Variants in CHSY3 observed in about 807,000 individuals in gnomAD.
CHSY3 encodes N-acetylgalactosaminyl-proteoglycan 3-beta-glucuronosyltransferase 3.
In CHSY3, 35 loss-of-function variants were observed where a neutral mutation model predicts 67.2. That is an observed-to-expected ratio of 0.52 (90% CI 0.40 to 0.69). The LOEUF is 0.69. CHSY3 is among the 30% of genes least tolerant of loss of function. The pLI, the probability that CHSY3 is intolerant of heterozygous loss-of-function variation, is 0.00. For missense variants in CHSY3, 1,069 were observed against 1,138.5 expected (o/e 0.94, Z 0.88); for synonymous variants, 474 against 434.7 (o/e 1.09, Z -1.12).
At chr5:130,108,733 CT>C (rs1221661505) in intron 2 of CHSY3, among the ~76,000 whole-genome samples, 1 of 151,624 alleles carries the variant, frequency 6.6e-6, no homozygotes, top group East Asian at 1.9e-4. Context: ...CACACTTAGG[CT>C]TTTCATTAGA....
At chr5:130,045,281 A>G (rs552484238) in intron 2 of CHSY3, among the ~76,000 whole-genome samples, 3 of 152,292 alleles carry the variant, frequency 2.0e-5, no homozygotes, top group East Asian at 3.9e-4. Flanking sequence ...CTCACTAGGG[A>G]GAGCTAGTAA....
chr5:129,904,693 A>T lies in CHSY3; in HGVS notation c.-137A>T. Reference sequence around the variant, plus strand: ...AGGCGTCCGCGGCGCTTCGACCTCCAGCCGGTGTCGGCGCCTAGGCGGCCG... The same window carrying T: ...AGGCGTCCGCGGCGCTTCGACCTCCTGCCGGTGTCGGCGCCTAGGCGGCCG... On this transcript the variant is annotated 5_prime_UTR_variant, in exon 1 of 3. Coordinates refer to ENST00000305031, the MANE Select transcript of CHSY3 (RefSeq NM_175856.5). 8.3e-7 allele frequency: 1 copy of T among 1,205,104 alleles called. No homozygotes were observed. The highest frequency in any genetic ancestry group is 1.0e-6 in the Non-Finnish European group (1 of 968,398). The allele number at this position is 1,205,104 out of a possible 1,614,324, so 74.7% of individuals were successfully genotyped here. A position where few individuals can be genotyped will look rare whatever the true frequency, so the allele number is the denominator to read the frequency against.
At chr5:130,059,389 C>T (rs1162184270) in intron 2 of CHSY3, among the ~76,000 whole-genome samples, 1 of 140,952 alleles carries the variant, frequency 7.1e-6, no homozygotes, top group East Asian at 2.0e-4. Flanking sequence ...CTCTCTCTAC[C>T]TCTCTCTCTC....
At chr5:130,147,929 G>A (rs565619622) in intron 2 of CHSY3, among the ~76,000 whole-genome samples, 225 of 152,270 alleles carry the variant, frequency 1.5e-3, no homozygotes, top group Middle Eastern at 6.8e-3. Flanking sequence ...ATGGGGGGTT[G>A]TTGTACAGAT....
intron 2 of CHSY3, among the ~76,000 whole-genome samples, chr5:130,113,352 G>A (rs986743500): frequency 1.4e-4 from 22 of 152,198 alleles, no homozygotes; most frequent in Admixed American, 9.2e-4. Context: ...AAATACAAGT[G>A]TATATCTCAA....
At chr5:129,973,056 C>T (rs1034600149) in intron 2 of CHSY3, among the ~76,000 whole-genome samples, 6 of 151,950 alleles carry the variant, frequency 3.9e-5, no homozygotes, top group African/African-American at 7.3e-5. Context: ...ACATGATGCT[C>T]CTGCTCCTCT....
chr5:130,047,837 T>C (rs955376305), intron 2 of CHSY3, among the ~76,000 whole-genome samples: 1 of 152,172 alleles, frequency 6.6e-6, no homozygotes, highest in East Asian at 1.9e-4. Context: ...TTTTAACGAA[T>C]TTTGTTAATT....
intron 2 of CHSY3, among the ~76,000 whole-genome samples, chr5:129,985,617 A>G (rs763482584): frequency 6.6e-6 from 1 of 152,150 alleles, no homozygotes; most frequent in Non-Finnish European, 1.5e-5. Context: ...TCCTTTGTGC[A>G]GTATGGCCAT....
intron 2 of CHSY3, among the ~76,000 whole-genome samples, chr5:129,978,873 C>A (rs1471870377): frequency 6.6e-6 from 1 of 151,852 alleles, no homozygotes; most frequent in Non-Finnish European, 1.5e-5. Context: ...AATTAAGAAG[C>A]CTTAATTAGC....
At chr5:130,181,901 A>T (rs1441931331) in intron 2 of CHSY3, among the ~76,000 whole-genome samples, 1 of 151,832 alleles carries the variant, frequency 6.6e-6, no homozygotes, top group Non-Finnish European at 1.5e-5. Flanking sequence ...TACTACATTT[A>T]TTCTGTTCTT....
chr5:130,070,743 T>TA (rs1766034476), intron 2 of CHSY3, among the ~76,000 whole-genome samples: 1 of 152,040 alleles, frequency 6.6e-6, no homozygotes, highest in Admixed American at 6.6e-5. Flanking sequence ...AATATACAGA[T>TA]ATTCAGTACT....
At chr5:129,979,199 C>CAAAAAAAAAAAAAAAAAAAAAAA (rs58584381) in intron 2 of CHSY3, among the ~76,000 whole-genome samples, 4 of 62,536 alleles carry the variant, frequency 6.4e-5, no homozygotes, top group East Asian at 6.2e-4. Flanking sequence ...GACTCCGTCT[C>CAAAAAAAAAAAAAAAAAAAAAAA]AAAAAAAAAA....
rs143104865 is a variant in CHSY3 at position 130,091,111 on chromosome 5, A to AACACACACAC, written c.1087-93103_1087-93094dup. 1.5e-4 allele frequency among the ~76,000 whole-genome samples: 22 copies of AACACACACAC among 148,722 alleles called. No individual in the cohort carries two copies. In the East Asian group the frequency reaches 2.4e-3, roughly 16 times the overall value. Reference sequence around the variant, plus strand: ...GTCTGCTGTTTCTGAACTTAAACGCAACACACACACACACACACACACACG... The same window carrying AACACACACAC: ...GTCTGCTGTTTCTGAACTTAAACGCAACACACACACACACACACACACACACACACACACG... On this transcript the variant is annotated intron_variant, in intron 2 of 2. Coordinates refer to ENST00000305031, the MANE Select transcript of CHSY3 (RefSeq NM_175856.5).
chr5:130,022,554 T>A (rs542679412), intron 2 of CHSY3, among the ~76,000 whole-genome samples: 1 of 152,128 alleles, frequency 6.6e-6, no homozygotes, highest in South Asian at 2.1e-4. Flanking sequence ...GTCAATGACA[T>A]CTTGCCTTCT....
intron 2 of CHSY3, among the ~76,000 whole-genome samples, chr5:130,096,995 G>A (rs753343096): frequency 6.6e-6 from 1 of 152,166 alleles, no homozygotes; most frequent in South Asian, 2.1e-4. Flanking sequence ...TTTAGTATTT[G>A]GTGTGCTGCT....
At chr5:130,007,894 G>A (rs1763921952) in intron 2 of CHSY3, among the ~76,000 whole-genome samples, 1 of 152,092 alleles carries the variant, frequency 6.6e-6, no homozygotes, top group Admixed American at 6.5e-5. Flanking sequence ...ACACCCTCTT[G>A]CAGCACAGCC....
intron 2 of CHSY3, among the ~76,000 whole-genome samples, chr5:130,088,735 A>C (rs997921375): frequency 1.3e-5 from 2 of 152,274 alleles, no homozygotes; most frequent in East Asian, 1.9e-4. Context: ...GGTGCTGGAG[A>C]GGATGTGGAG....
At chr5:130,130,628 T>C (rs1288830875) in intron 2 of CHSY3, among the ~76,000 whole-genome samples, 1 of 152,188 alleles carries the variant, frequency 6.6e-6, no homozygotes, top group Non-Finnish European at 1.5e-5. Flanking sequence ...CTTCCTGCAC[T>C]TCACTTGATC....
intron 2 of CHSY3, among the ~76,000 whole-genome samples, chr5:129,947,252 G>A (rs1182942866): frequency 1.3e-5 from 2 of 152,150 alleles, no homozygotes; most frequent in South Asian, 4.2e-4. Context: ...ACAACATAAG[G>A]ATAACTGCCC....
Sources: allele counts gnomAD v4.1 joint callset (sites outside exome capture counted in the v4.1 genomes callset), GRCh38; gene constraint gnomAD v4.1.1; transcripts MANE v1.5; gene names NCBI Gene and HGNC (gene_info 2026-07-23, HGNC 2026-07-21).